CMKLR2: variants seen among roughly 807,000 people sequenced by gnomAD.
CMKLR2 encodes chemerin chemokine-like receptor 2, also known as chemerin-like receptor 2.
In CMKLR2, 18 loss-of-function variants were observed where a neutral mutation model predicts 23.0. That is an observed-to-expected ratio of 0.78 (90% CI 0.54 to 1.16). The LOEUF (loss-of-function observed/expected upper bound fraction) is 1.16. Among genes scored for constraint, CMKLR2 ranks in the 50% most tolerant of loss-of-function variants. The probability of loss-of-function intolerance (pLI) is 0.00; values close to 1 mark genes in which losing one functional copy is unlikely to be tolerated. For synonymous variants in CMKLR2, 158 were observed against 158.9 expected, an observed-to-expected ratio of 0.99 and a Z score of 0.05; for missense variants, 401 against 412.7, an observed-to-expected ratio of 0.97 and a Z score of 0.25.
rs112877056 is a variant in CMKLR2, at chr2:206,209,339, C to CA, written c.-29+3967dup. 3.8e-3 allele frequency among the ~76,000 whole-genome samples: 440 copies of CA among 117,268 alleles called. 3 individuals are homozygous for CA. Among genetic ancestry groups the CA allele is most frequent in the African/African-American group, 0.01 (321 of 31,700 alleles). The allele number at this position is 117,268 out of a possible 152,430, so 76.9% of individuals were successfully genotyped here. A position where few individuals can be genotyped will look rare whatever the true frequency, so the allele number is the denominator to read the frequency against. ...GGGTGACAGAGTAAGACTCTGTCTC[C>CA]AAAAAAAAAAAAAGCACTTTTTTGT... is the stretch of plus-strand genomic sequence containing the variant. On this transcript the variant is annotated intron_variant, in intron 1 of 1. Transcript: ENST00000621141.
chr2:206,201,610 C>T (rs1689099019), intron 1 of CMKLR2, among the ~76,000 whole-genome samples: 1 of 151,946 alleles, frequency 6.6e-6, no homozygotes, highest in African/African-American at 2.4e-5. Context: ...AACCTTTCTC[C>T]TTGACCTTGA....
intron 1 of CMKLR2, among the ~76,000 whole-genome samples, chr2:206,180,912 G>A (rs778084337): frequency 3.4e-4 from 52 of 150,984 alleles, no homozygotes; most frequent in Non-Finnish European, 4.6e-4. Flanking sequence ...CTGTCACCAC[G>A]CCTTGCTAAT....
At chr2:206,209,961 TCTTTC>T (rs1402551487) in intron 1 of CMKLR2, among the ~76,000 whole-genome samples, 10 of 149,484 alleles carry the variant, frequency 6.7e-5, no homozygotes, top group Non-Finnish European at 1.3e-4. Context: ...TTCTTTCTTT[TCTTTC>T]TTTTTTTTTT....
chr2:206,204,651 C>T (rs576053022), intron 1 of CMKLR2, among the ~76,000 whole-genome samples: 23 of 152,134 alleles, frequency 1.5e-4, no homozygotes, highest in South Asian at 2.1e-4. Context: ...CTCAACCTCC[C>T]GGGTTCAAGC....
At chr2:206,205,086 A>G (rs563949839) in intron 1 of CMKLR2, among the ~76,000 whole-genome samples, 2 of 152,306 alleles carry the variant, frequency 1.3e-5, no homozygotes, top group South Asian at 4.1e-4. Flanking sequence ...CTTAAGTTTG[A>G]TGAATATATC....
intron 1 of CMKLR2, among the ~76,000 whole-genome samples, chr2:206,182,559 G>A (rs1413220606): frequency 1.3e-5 from 2 of 151,990 alleles, no homozygotes; most frequent in African/African-American, 4.8e-5. Flanking sequence ...TAAAACTTCA[G>A]GTGAGATTTT....
chr2:206,216,578 G>T (rs137882822), upstream of CMKLR2, among the ~76,000 whole-genome samples: 647 of 152,272 alleles, frequency 4.2e-3, 6 homozygotes, highest in Non-Finnish European at 5.7e-3. Context: ...CACCATGCCT[G>T]GTCTCAACAG....
chr2:206,194,678 T>A lies in CMKLR2; in HGVS notation c.-28-17403A>T, dbSNP rs530760876. Reference sequence around the variant, plus strand: ...CTTGAACCCCTGGCCTCAAGTGATCTGTCCGCCTCAGGCTCCCAAAGTGTT... The same window carrying A: ...CTTGAACCCCTGGCCTCAAGTGATCAGTCCGCCTCAGGCTCCCAAAGTGTT... On this transcript the variant is annotated intron_variant, in intron 1 of 1. Transcript: ENST00000621141. Among the ~76,000 whole-genome samples, 5 of 151,482 alleles carry A rather than the reference T, an allele frequency of 3.3e-5. No homozygotes were observed. The South Asian group carries it at 1.0e-3, about 32-fold the overall frequency.
At chr2:206,193,164 T>C (rs1379866895) in intron 1 of CMKLR2, among the ~76,000 whole-genome samples, 2 of 152,140 alleles carry the variant, frequency 1.3e-5, no homozygotes, top group Non-Finnish European at 2.9e-5. Flanking sequence ...AATGGCACGA[T>C]CTTGGCCCAC....
chr2:206,204,241 C>G (rs1214454368), intron 1 of CMKLR2, among the ~76,000 whole-genome samples: 1 of 150,976 alleles, frequency 6.6e-6, no homozygotes, highest in Non-Finnish European at 1.5e-5. Flanking sequence ...GTAGTCCCAG[C>G]TACTCGGGAG....
At chr2:206,188,753 T>C (rs1382271550) in intron 1 of CMKLR2, among the ~76,000 whole-genome samples, 4 of 152,138 alleles carry the variant, frequency 2.6e-5, no homozygotes, top group Non-Finnish European at 5.9e-5. Flanking sequence ...TGGCAAATCA[T>C]GTGGTTGTGG....
upstream of CMKLR2, among the ~76,000 whole-genome samples, chr2:206,215,495 A>G (rs1689726154): frequency 6.6e-6 from 1 of 152,214 alleles, no homozygotes; most frequent in Admixed American, 6.5e-5. Flanking sequence ...GGATTGTCCT[A>G]TGTGCCACGC....
chr2:206,187,477 G>A (rs771489525), intron 1 of CMKLR2, among the ~76,000 whole-genome samples: 2 of 152,082 alleles, frequency 1.3e-5, no homozygotes, highest in African/African-American at 2.4e-5. Flanking sequence ...AAGTAATATC[G>A]GTGCTCTCAA....
intron 1 of CMKLR2, among the ~76,000 whole-genome samples, chr2:206,189,443 T>C (rs1576046373): frequency 6.6e-6 from 1 of 152,156 alleles, no homozygotes; most frequent in African/African-American, 2.4e-5. Context: ...AAGACCAGCC[T>C]GGCCAACATG....
chr2:206,176,979 A>C lies in CMKLR2; in HGVS notation c.269T>G (p.Leu90Arg). The change falls in exon 2 of 2, where the codon CTG (leucine) becomes CGG (arginine). Residue 90 changes from leucine to arginine, a missense_variant. Physicochemically the swap from Leu to Arg is moderately radical, Grantham distance 102. Transcript: ENST00000621141. The part of the protein sequence containing the change: ...AIADFIFLLF[L>R]PLYISYVAMN... The stretch of plus-strand genomic sequence containing the variant: ...GGCCACATAGGAGATGTACAGGGGC[A>C]GAAAGAGAAGAAAAATGAAATCCGC... 6.2e-7 allele frequency: 1 copy of C among 1,614,262 alleles called. No individual in the cohort carries two copies. Among genetic ancestry groups the C allele is most frequent in the Non-Finnish European group, 8.5e-7 (1 of 1,180,042 alleles).
intron 1 of CMKLR2, among the ~76,000 whole-genome samples, chr2:206,188,752 A>C (rs917354672): frequency 6.6e-6 from 1 of 152,198 alleles, no homozygotes. Flanking sequence ...ATGGCAAATC[A>C]TGTGGTTGTG....
At chr2:206,196,556 G>C (rs1213423204) in intron 1 of CMKLR2, among the ~76,000 whole-genome samples, 1 of 152,140 alleles carries the variant, frequency 6.6e-6, no homozygotes, top group African/African-American at 2.4e-5. Flanking sequence ...GACTTGATAG[G>C]AGGAAGCCCA....
intron 1 of CMKLR2, among the ~76,000 whole-genome samples, chr2:206,183,717 G>A (rs1444867638): frequency 6.6e-6 from 1 of 152,116 alleles, no homozygotes; most frequent in Non-Finnish European, 1.5e-5. Context: ...GATGGTGAGG[G>A]GTAGGGATAG....
At position 206,206,917 on chromosome 2, in the gene CMKLR2, C is replaced by CCTTTTT. The variant is rs34198269; in HGVS notation, c.-29+6389_-29+6390insAAAAAG. On this transcript the variant is annotated intron_variant, in intron 1 of 1. Coordinates refer to ENST00000621141, the MANE Select transcript of CMKLR2 (RefSeq NM_001389445.1). The stretch of plus-strand genomic sequence containing the variant: ...AGTTCCTGTTTCAGTCCCCCTGCCC[C>CCTTTTT]TTTTTTTTTTTTTTTTTTAATCAAA... Among the ~76,000 whole-genome samples the CCTTTTT allele has an allele frequency of 1.4e-3, 176 of 126,138 alleles. 1 individual carries two copies. The highest frequency in any genetic ancestry group is 4.9e-3 in the African/African-American group (164 of 33,318). The allele number at this position is 126,138 out of a possible 152,430, so 82.8% of individuals were successfully genotyped here.
Sources: gnomAD v4.1 joint callset for allele counts (sites outside exome capture counted in the v4.1 genomes callset) on GRCh38, gnomAD v4.1.1 for gene constraint, MANE v1.5 for transcripts, NCBI Gene and HGNC (gene_info 2026-07-23, HGNC 2026-07-21) for gene names.